Variants in STXBP5L observed in about 807,000 individuals in gnomAD.
STXBP5L encodes the protein syntaxin binding protein 5L.
STXBP5L carries 65 observed loss-of-function variants against 144.5 expected under a neutral mutation model. That is an observed-to-expected ratio of 0.45 (90% CI 0.37 to 0.55). STXBP5L has a LOEUF of 0.55. Ranked by LOEUF, STXBP5L falls within the 20% of genes least tolerant of loss-of-function variation. The pLI is 0.00. For missense variants in STXBP5L, 1,298 were observed against 1,405.5 expected, an observed-to-expected ratio of 0.92 and a Z score of 1.22; for synonymous variants, 505 against 469.6, an observed-to-expected ratio of 1.08 and a Z score of -0.97.
intron 5 of STXBP5L, among the ~76,000 whole-genome samples, chr3:121,086,058 G>T (rs1017164563): frequency 2.0e-5 from 3 of 152,034 alleles, no homozygotes; most frequent in Non-Finnish European, 4.4e-5. Context: ...AAAAGCAATG[G>T]GGAAATAATT....
At chr3:121,267,013 C>T (rs1043302404) in intron 18 of STXBP5L, among the ~76,000 whole-genome samples, 1 of 151,846 alleles carries the variant, frequency 6.6e-6, no homozygotes, top group African/African-American at 2.4e-5. Flanking sequence ...TCAATGCTAT[C>T]CCCATCAAGC....
chr3:121,233,767 A>G lies in STXBP5L; in HGVS notation c.1184+79A>G. 4.5e-6 allele frequency: 5 copies of G among 1,113,682 alleles called. No individual in the cohort carries two copies. In the South Asian group the frequency reaches 6.4e-5, roughly 14 times the overall value. The allele number at this position is 1,113,682 out of a possible 1,614,324, so 69.0% of individuals were successfully genotyped here. On this transcript the variant is annotated intron_variant, in intron 12 of 26. Coordinates refer to ENST00000471454, the MANE Select transcript of STXBP5L (RefSeq NM_001308330.2). ...TTGGCATTTGTATTCTTTTGATAGG[A>G]AGTATTCTTTGTGTGAATATTGGTT... is the stretch of plus-strand genomic sequence containing the variant.
At chr3:120,908,467 GAGAGAC>G (rs1043587392) in intron 1 of STXBP5L, 133 bp downstream of exon 1, 14 of 157,358 alleles carry the variant, frequency 8.9e-5, no homozygotes, top group East Asian at 3.8e-4. Flanking sequence ...GAGAGACAGA[GAGAGAC>G]AGAGACAGAG....
At chr3:121,101,384 T>C (rs1468174154) in intron 5 of STXBP5L, among the ~76,000 whole-genome samples, 1 of 152,064 alleles carries the variant, frequency 6.6e-6, no homozygotes, top group African/African-American at 2.4e-5. Flanking sequence ...CAACAAAAAG[T>C]TAATTCACCA....
chr3:121,389,513 T>A (rs1489022775), intron 22 of STXBP5L, among the ~76,000 whole-genome samples: 5 of 152,234 alleles, frequency 3.3e-5, no homozygotes, highest in Non-Finnish European at 7.3e-5. Flanking sequence ...CTTTCTCTTG[T>A]GGGCATTTAG....
chr3:121,215,841 A>T (rs1023283805), intron 10 of STXBP5L, among the ~76,000 whole-genome samples: 2 of 152,160 alleles, frequency 1.3e-5, no homozygotes, highest in African/African-American at 4.8e-5. Context: ...AAGTACACCA[A>T]TCAAACATAG....
intron 3 of STXBP5L, among the ~76,000 whole-genome samples, chr3:120,955,812 A>T (rs1186192307): frequency 6.6e-6 from 1 of 151,892 alleles, no homozygotes; most frequent in African/African-American, 2.4e-5. Flanking sequence ...CCCATCCTTG[A>T]CCCCTAACAA....
chr3:120,962,657 C>A (rs1938999618), intron 3 of STXBP5L, among the ~76,000 whole-genome samples: 1 of 152,122 alleles, frequency 6.6e-6, no homozygotes, highest in Non-Finnish European at 1.5e-5. Context: ...GGTACCAGTA[C>A]CATGCTGTTT....
At chr3:121,126,030 C>A (rs1423085183) in intron 7 of STXBP5L, among the ~76,000 whole-genome samples, 3 of 152,098 alleles carry the variant, frequency 2.0e-5, no homozygotes, top group East Asian at 3.9e-4. Flanking sequence ...TCTGCTTCTC[C>A]CCATGAAATA....
At chr3:121,124,238 C>A (rs2044603951) in intron 7 of STXBP5L, among the ~76,000 whole-genome samples, 1 of 151,826 alleles carries the variant, frequency 6.6e-6, no homozygotes. Flanking sequence ...TACAAAATGT[C>A]TTGATATCTG....
intron 10 of STXBP5L, among the ~76,000 whole-genome samples, chr3:121,214,796 C>G (rs1306975378): frequency 6.6e-6 from 1 of 152,074 alleles, no homozygotes; most frequent in Non-Finnish European, 1.5e-5. Context: ...CTAATATTGA[C>G]AGTGGGGAGT....
At chr3:121,097,788 C>A (rs964374792) in intron 5 of STXBP5L, among the ~76,000 whole-genome samples, 1 of 152,078 alleles carries the variant, frequency 6.6e-6, no homozygotes, top group Admixed American at 6.6e-5. Flanking sequence ...CCCTTGTTTG[C>A]CAGTATTTTT....
chr3:121,217,830 G>A (rs1482024201), intron 10 of STXBP5L, among the ~76,000 whole-genome samples: 1 of 151,534 alleles, frequency 6.6e-6, no homozygotes, highest in Non-Finnish European at 1.5e-5. Context: ...ATGCCTGAGA[G>A]GTTCTTCCAT....
intron 25 of STXBP5L, among the ~76,000 whole-genome samples, chr3:121,416,915 TTC>T (rs770937931): frequency 6.6e-6 from 1 of 152,212 alleles, no homozygotes; most frequent in Non-Finnish European, 1.5e-5. Context: ...TAGATCAAAA[TTC>T]TCTTTCTCTG....
intron 5 of STXBP5L, among the ~76,000 whole-genome samples, chr3:121,072,025 C>T (rs556631151): frequency 9.9e-5 from 15 of 152,266 alleles, no homozygotes; most frequent in East Asian, 5.8e-4. Flanking sequence ...ACTTTGTGGG[C>T]GATAAGCTGT....
chr3:120,961,197 G>GTTT (rs138331318), intron 3 of STXBP5L, among the ~76,000 whole-genome samples: 55 of 144,302 alleles, frequency 3.8e-4, no homozygotes, highest in African/African-American at 7.6e-4. Flanking sequence ...ATTTTATTTA[G>GTTT]TTTTTTTTTT....
chr3:121,259,542 C>T (rs2050319909), intron 18 of STXBP5L, among the ~76,000 whole-genome samples: 1 of 152,056 alleles, frequency 6.6e-6, no homozygotes, highest in Non-Finnish European at 1.5e-5. Flanking sequence ...GGTAGATCCA[C>T]CTATGGAGTT....
At chr3:121,096,256 A>C (rs2043122884) in intron 5 of STXBP5L, among the ~76,000 whole-genome samples, 1 of 152,088 alleles carries the variant, frequency 6.6e-6, no homozygotes, top group Non-Finnish European at 1.5e-5. Flanking sequence ...CTCCTCCTCT[A>C]ACCTTTCTTC....
At chr3:121,327,188 G>T (rs2044176546) in intron 20 of STXBP5L, among the ~76,000 whole-genome samples, 1 of 152,120 alleles carries the variant, frequency 6.6e-6, no homozygotes, top group Admixed American at 6.6e-5. Flanking sequence ...ATATACAGAT[G>T]ATTGAAGAAA....
Sources: gnomAD v4.1 joint callset for allele counts (sites outside exome capture counted in the v4.1 genomes callset) on GRCh38, gnomAD v4.1.1 for gene constraint, MANE v1.5 for transcripts, NCBI Gene and HGNC (gene_info 2026-07-23, HGNC 2026-07-21) for gene names.